The following SLC27A6 variants were observed in gnomAD, a reference collection of about 807,000 sequenced individuals.
SLC27A6 encodes long-chain fatty acid transport protein 6.
In SLC27A6, 74 loss-of-function variants were observed where a neutral mutation model predicts 63.9. That is an observed-to-expected ratio of 1.16 (90% CI 0.96 to 1.40). The LOEUF (loss-of-function observed/expected upper bound fraction) is 1.40, where lower values mean the gene tolerates loss of function less well. Ranked by LOEUF, SLC27A6 falls within the 40% of genes most tolerant of loss-of-function variation. SLC27A6 has a pLI of 0.00. For missense variants in SLC27A6, 794 were observed against 732.9 expected, an observed-to-expected ratio of 1.08 and a Z score of -0.96; for synonymous variants, 287 against 260.8, an observed-to-expected ratio of 1.10 and a Z score of -0.97.
In SLC27A6 at chr5:129,015,657, A is replaced by T. The variant is rs257920; in HGVS notation, c.970-228A>T. On this transcript the variant is annotated intron_variant, in intron 4 of 9. Transcript: ENST00000262462. ...AAGCCTTTAGTGATCTGCAATTTAG[A>T]ATGAGCTGTTCCCAGATATGGAAAA... 2.0e-5 allele frequency among the ~76,000 whole-genome samples: 3 copies of T among 151,984 alleles called. No individual in the cohort carries two copies. The East Asian group carries it at 5.8e-4, about 29-fold the overall frequency.
At position 128,987,574 on chromosome 5, in the gene SLC27A6, T is replaced by G. The variant is rs551258823; in HGVS notation, c.686-1026T>G. ...TTTCAAAAAATTATTATTGTTAATA[T>G]TCTGAAAGATGGGGACAAAAAAGTG... On this transcript the variant is annotated intron_variant, in intron 2 of 9. Coordinates refer to ENST00000262462, the MANE Select transcript of SLC27A6 (RefSeq NM_001017372.3). 5.3e-5 allele frequency among the ~76,000 whole-genome samples: 8 copies of G among 152,222 alleles called. No individual in the cohort carries two copies. In the East Asian group the frequency reaches 1.5e-3, roughly 29 times the overall value.
chr5:129,007,768 G>C (rs1301367567), intron 4 of SLC27A6, among the ~76,000 whole-genome samples: 1 of 151,874 alleles, frequency 6.6e-6, no homozygotes, highest in Admixed American at 6.6e-5. Context: ...TTCTTCCAGG[G>C]ATCTGTCCTA....
chr5:129,019,715 CATAAA>C (rs1358395824), intron 5 of SLC27A6, among the ~76,000 whole-genome samples: 8 of 151,708 alleles, frequency 5.3e-5, no homozygotes. Flanking sequence ...ATGAGCATCA[CATAAA>C]ATAAAAGGAA....
intron 4 of SLC27A6, among the ~76,000 whole-genome samples, chr5:129,005,756 G>A (rs1182306729): frequency 6.6e-6 from 1 of 151,574 alleles, no homozygotes; most frequent in African/African-American, 2.4e-5. Context: ...GGGACTACAG[G>A]CGCCTGCCAC....
At chr5:128,971,903 G>T (rs902184139) in intron 1 of SLC27A6, among the ~76,000 whole-genome samples, 2 of 152,144 alleles carry the variant, frequency 1.3e-5, no homozygotes, top group Non-Finnish European at 1.5e-5. Flanking sequence ...GCTGGTACTG[G>T]TTGTTCCTTT....
chr5:128,968,192 T>C (rs1749985666), intron 1 of SLC27A6, among the ~76,000 whole-genome samples: 1 of 152,230 alleles, frequency 6.6e-6, no homozygotes, highest in African/African-American at 2.4e-5. Context: ...TCCAAGTCTT[T>C]GCTATTGAGA....
intron 1 of SLC27A6, 99 bp downstream of exon 1, chr5:128,966,717 G>T: frequency 8.3e-7 from 1 of 1,211,520 alleles, no homozygotes; most frequent in East Asian, 2.8e-5. Context: ...AATATTTTGG[G>T]TGAGTGAAGT....
intron 4 of SLC27A6, among the ~76,000 whole-genome samples, chr5:128,993,773 C>T (rs534288340): frequency 2.6e-5 from 4 of 152,062 alleles, no homozygotes; most frequent in South Asian, 4.2e-4. Flanking sequence ...TTTGAGAGAA[C>T]TGAGAATTGA....
At chr5:129,005,763 C>T (rs1459630486) in intron 4 of SLC27A6, among the ~76,000 whole-genome samples, 2 of 151,604 alleles carry the variant, frequency 1.3e-5, no homozygotes, top group Non-Finnish European at 2.9e-5. Context: ...CAGGCGCCTG[C>T]CACCATGCCT....
chr5:129,004,787 A>G (rs953886575), intron 4 of SLC27A6, among the ~76,000 whole-genome samples: 6 of 152,230 alleles, frequency 3.9e-5, no homozygotes, highest in Non-Finnish European at 7.3e-5. Flanking sequence ...AAAACTGTCC[A>G]GTATAAAACC....
intron 4 of SLC27A6, among the ~76,000 whole-genome samples, chr5:128,994,967 A>G (rs1353992075): frequency 6.6e-6 from 1 of 152,208 alleles, no homozygotes; most frequent in African/African-American, 2.4e-5. Flanking sequence ...TGGCAGCAGC[A>G]TTGTTTTCAG....
At chr5:129,020,145 A>G (rs891694888) in intron 5 of SLC27A6, among the ~76,000 whole-genome samples, 2 of 152,138 alleles carry the variant, frequency 1.3e-5, no homozygotes, top group African/African-American at 2.4e-5. Flanking sequence ...CAAGGCTAGA[A>G]AAAAAGGAAA....
At chr5:128,988,229 G>A (rs51668) in intron 2 of SLC27A6, among the ~76,000 whole-genome samples, 50,465 of 151,996 alleles carry the variant, frequency 0.33, 8,985 homozygotes, top group East Asian at 0.59. Context: ...ACATTTTCAG[G>A]CACATAAGGA....
intron 6 of SLC27A6, 136 bp from the exon 7 acceptor site, chr5:129,026,997 A>G: frequency 1.5e-6 from 1 of 677,974 alleles, no homozygotes; most frequent in Middle Eastern, 3.0e-4. Context: ...AATGATGTCA[A>G]ATACAGAAAT....
Position 129,028,383 on chromosome 5 carries a change from A to G in SLC27A6, c.1493A>G (p.Asp498Gly). Residue 498 changes from aspartate to glycine, a missense_variant, in exon 8 of 10, where the codon GAT becomes GGT. Coordinates refer to ENST00000262462, the MANE Select transcript of SLC27A6 (RefSeq NM_001017372.3). ...AATGTCGCAACCACTGAGGTTGCTG[A>G]TGTTATTGGAATGTTGGATTTCATA... The part of the protein sequence containing the change: ...GENVATTEVA[D>G]VIGMLDFIQE... 1 of 1,611,328 alleles carries G rather than the reference A, an allele frequency of 6.2e-7. No individual in the cohort carries two copies. Among genetic ancestry groups the G allele is most frequent in the Non-Finnish European group, 8.5e-7 (1 of 1,177,984 alleles).
At chr5:128,988,954 G>A (rs1750883178) in intron 3 of SLC27A6, among the ~76,000 whole-genome samples, 196 bp downstream of exon 3, 1 of 152,142 alleles carries the variant, frequency 6.6e-6, no homozygotes, top group Admixed American at 6.5e-5. Context: ...GAAAAGAACA[G>A]TTTTCTGAGG....
At chr5:129,013,687 AT>A (rs895483122) in intron 4 of SLC27A6, among the ~76,000 whole-genome samples, 2 of 151,446 alleles carry the variant, frequency 1.3e-5, no homozygotes, top group African/African-American at 4.9e-5. Flanking sequence ...TTATTTATTT[AT>A]TTTTTCATGG....
intron 6 of SLC27A6, 57 bp downstream of exon 6, chr5:129,023,767 A>C (rs1220326064): frequency 4.9e-6 from 6 of 1,236,016 alleles, no homozygotes; most frequent in Non-Finnish European, 1.2e-6. Flanking sequence ...TCCTGTATAC[A>C]GACATCCCTT....
intron 1 of SLC27A6, among the ~76,000 whole-genome samples, chr5:128,982,177 C>T (rs899683802): frequency 5.3e-5 from 8 of 152,128 alleles, no homozygotes; most frequent in African/African-American, 1.9e-4. Flanking sequence ...CATGACTCTT[C>T]TTTATCCCCT....
Sources: gnomAD v4.1 joint callset for allele counts (sites outside exome capture counted in the v4.1 genomes callset) on GRCh38, gnomAD v4.1.1 for gene constraint, MANE v1.5 for transcripts, NCBI Gene and HGNC (gene_info 2026-07-23, HGNC 2026-07-21) for gene names.